Variants in ITGA3 observed in about 807,000 individuals in gnomAD.
ITGA3 encodes the protein integrin alpha-3.
ITGA3 carries 70 observed loss-of-function variants against 131.1 expected under a neutral mutation model. That is an observed-to-expected ratio of 0.53 (90% confidence interval 0.44 to 0.65). The LOEUF (loss-of-function observed/expected upper bound fraction) is 0.65, where lower values mean the gene tolerates loss of function less well. Among genes scored for constraint, ITGA3 ranks in the 30% least tolerant of loss-of-function variants. ITGA3 has a pLI of 0.00. For synonymous variants in ITGA3, 537 were observed against 571.6 expected, an observed-to-expected ratio of 0.94 and a Z score of 0.86; for missense variants, 1,098 against 1,388.6, an observed-to-expected ratio of 0.79 and a Z score of 3.33.
intron 1 of ITGA3, among the ~76,000 whole-genome samples, chr17:50,060,110 C>G (rs1485323513): frequency 6.6e-6 from 1 of 152,188 alleles, no homozygotes; most frequent in Admixed American, 6.5e-5. Flanking sequence ...CATCCCAGAG[C>G]TGCCCCCACC....
intron 23 of ITGA3, among the ~76,000 whole-genome samples, chr17:50,082,997 C>G (rs1049004488): frequency 6.6e-6 from 1 of 151,992 alleles, no homozygotes; most frequent in Non-Finnish European, 1.5e-5. Flanking sequence ...AGTGAAGATA[C>G]GTGGGAGATA....
chr17:50,058,408 G>A (rs766484972), intron 1 of ITGA3, among the ~76,000 whole-genome samples: 3 of 152,326 alleles, frequency 2.0e-5, no homozygotes, highest in African/African-American at 7.2e-5. Flanking sequence ...GGGCTGTAAC[G>A]AGATAAAGTG....
In ITGA3 at chr17:50,080,389, T is replaced by A. The variant is rs1909131992; in HGVS notation, c.2820+14T>A. ...ACCTTCATCGAGGTCAGTGCCTGGG[T>A]CTGAAGGTCTCTCCTACCATCCACC... On this transcript the variant is annotated intron_variant, in intron 22 of 25. Coordinates refer to ENST00000320031, the MANE Select transcript of ITGA3 (RefSeq NM_002204.4). The A allele has an allele frequency of 6.6e-7, 1 of 1,517,266 alleles. No individual in the cohort carries two copies. The highest frequency in any genetic ancestry group is 1.7e-4 in the Middle Eastern group (1 of 5,910). The allele number at this position is 1,517,266 out of a possible 1,614,324, so 94.0% of individuals were successfully genotyped here.
intron 3 of ITGA3, 43 bp from the exon 4 acceptor site, chr17:50,068,013 C>T (rs747073365): frequency 1.2e-6 from 2 of 1,610,216 alleles, no homozygotes; most frequent in East Asian, 4.5e-5. Context: ...TGACCCGGGT[C>T]CCTGTGCCTG....
In ITGA3 at chr17:50,078,873, T is replaced by G; in HGVS notation, c.2347T>G (p.Ser783Ala). The G allele has an allele frequency of 1.2e-6, 2 of 1,613,596 alleles. No individual in the cohort carries two copies. Among genetic ancestry groups the G allele is most frequent in the Non-Finnish European group, 1.7e-6 (2 of 1,179,636 alleles). ...CTTTGGGGGGACAGTGATGGGTGAG[T>G]CTGGCATGAAAACTGTGGAGGATGT... ...SFFGGTVMGE[S>A]GMKTVEDVGS... The change falls in exon 19 of 26, where the codon TCT becomes GCT. Residue 783 changes from serine to alanine, a missense_variant. Ser to Ala is a moderately conservative substitution (Grantham distance 99). Coordinates refer to ENST00000320031, the MANE Select transcript of ITGA3 (RefSeq NM_002204.4).
intron 4 of ITGA3, among the ~76,000 whole-genome samples, chr17:50,070,112 G>A (rs1908555293): frequency 1.3e-5 from 2 of 152,190 alleles, no homozygotes. Context: ...AGCCCTGGGT[G>A]CAGGGTCCAG....
chr17:50,089,536 G>A lies in ITGA3; in HGVS notation c.*458G>A, dbSNP rs567171975. On this transcript the variant is annotated 3_prime_UTR_variant, in exon 26 of 26. Coordinates refer to ENST00000320031, the MANE Select transcript of ITGA3 (RefSeq NM_002204.4). ...CCCACTGCTCGTGGACTGTGCTGGT[G>A]CATCACGGATGGTGCATGGGCTCGC... 5 of 480,626 alleles carry A rather than the reference G, an allele frequency of 1.0e-5. No individual in the cohort carries two copies. In the East Asian group the frequency reaches 1.4e-4, roughly 13 times the overall value. The allele number at this position is 480,626 out of a possible 1,614,324, so 29.8% of individuals were successfully genotyped here.
At position 50,078,944 on chromosome 17, in the gene ITGA3, G is replaced by A. The variant is rs757117267; in HGVS notation, c.2400+18G>A. ...AATTCCAGGTAAGGGGCTCGCCAGA[G>A]TCCTGGGCTGGGGACTTCTAGGAAG... On this transcript the variant is annotated intron_variant, in intron 19 of 25. Coordinates refer to ENST00000320031, the MANE Select transcript of ITGA3 (RefSeq NM_002204.4). 4.5e-6 allele frequency: 7 copies of A among 1,557,262 alleles called. No individual in the cohort carries two copies. Among genetic ancestry groups the A allele is most frequent in the Non-Finnish European group, 6.2e-6 (7 of 1,128,264 alleles).
intron 1 of ITGA3, among the ~76,000 whole-genome samples, chr17:50,061,206 G>A (rs1172914623): frequency 6.6e-6 from 1 of 152,198 alleles, no homozygotes; most frequent in East Asian, 1.9e-4. Context: ...TTAGGGCACT[G>A]GCCCTGCCCT....
Position 50,079,084 on chromosome 17 carries a change from A to G in ITGA3, c.2409A>G (p.Pro803=). 1 of 1,613,556 alleles carries G rather than the reference A, an allele frequency of 6.2e-7. No homozygotes were observed. The highest frequency in any genetic ancestry group is 8.5e-7 in the Non-Finnish European group (1 of 1,179,800). ...ACATCTTGTGCCCACAGGTGGGCCC[A>G]ATGGGGGAGGGGCTGGTGGGCCTGG... The part of the protein sequence containing the change: ...SPLKYEFQVG[P]MGEGLVGLGT... The change falls in exon 20 of 26, where the codon CCA becomes CCG. Residue 803 remains proline, a synonymous_variant. Coordinates refer to ENST00000320031, the MANE Select transcript of ITGA3 (RefSeq NM_002204.4).
Position 50,056,389 on chromosome 17 carries a change from A to C in ITGA3, c.-51A>C, listed in dbSNP as rs903088789. On this transcript the variant is annotated 5_prime_UTR_variant, in exon 1 of 26. Transcript: ENST00000320031. This position sits in a 1 kb window ranked among gnomAD's most constrained non-coding sequence, Gnocchi z 5.6. ...AGCAGGTGAACAGGTCCTCACGCCC[A>C]GCTCCGCGCCCTCACGCGCTCTCGC... The C allele has an allele frequency of 3.0e-6, 4 of 1,340,236 alleles. No homozygotes were observed. In the African/African-American group the frequency reaches 6.2e-5, roughly 21 times the overall value. The allele number at this position is 1,340,236 out of a possible 1,614,324, so 83.0% of individuals were successfully genotyped here. A position where few individuals can be genotyped will look rare whatever the true frequency, so the allele number is the denominator to read the frequency against.
At chr17:50,076,761 T>G in intron 14 of ITGA3, 80 bp downstream of exon 14, 1 of 1,328,336 alleles carries the variant, frequency 7.5e-7, no homozygotes, top group Non-Finnish European at 1.1e-6. Context: ...GGGCGGGGCC[T>G]CATGGCAAGG....
chr17:50,077,467 TC>T lies in ITGA3; in HGVS notation c.2139+23del. ...CAGAGGGTGAGCACCGGCCACATCC[TC>T]CCAGTCCTCCTGGGTCCCTGGCTGC... is the stretch of plus-strand genomic sequence containing the variant. On this transcript the variant is annotated intron_variant, in intron 16 of 25. Transcript: ENST00000320031. 6.3e-7 allele frequency: 1 copy of T among 1,591,940 alleles called. No homozygotes were observed. Among genetic ancestry groups the T allele is most frequent in the Non-Finnish European group, 8.6e-7 (1 of 1,160,022 alleles).
intron 24 of ITGA3, 111 bp downstream of exon 24, chr17:50,087,980 C>A (rs535191807): frequency 7.1e-7 from 1 of 1,403,248 alleles, no homozygotes; most frequent in Non-Finnish European, 9.6e-7. Flanking sequence ...CACCCCCACC[C>A]TTCCTCCCTG....
chr17:50,082,323 C>T lies in ITGA3; in HGVS notation c.2919+915C>T, dbSNP rs187791488. Among the ~76,000 whole-genome samples the T allele has an allele frequency of 2.6e-3, 393 of 152,178 alleles. 1 individual carries two copies. The highest frequency in any genetic ancestry group is 8.9e-3 in the African/African-American group (371 of 41,526). On this transcript the variant is annotated intron_variant, in intron 23 of 25. Coordinates refer to ENST00000320031, the MANE Select transcript of ITGA3 (RefSeq NM_002204.4). ...CCTCCCAAGTAGCTGGGACTACAGGCGCCCACCACCACGCCCGGCTAATTT... is the reference window on the plus strand; with the variant it reads ...CCTCCCAAGTAGCTGGGACTACAGGTGCCCACCACCACGCCCGGCTAATTT...
chr17:50,057,632 G>A (rs1907891265), intron 1 of ITGA3, among the ~76,000 whole-genome samples: 1 of 152,194 alleles, frequency 6.6e-6, no homozygotes, highest in Admixed American at 6.5e-5. Context: ...TTTAGGACAG[G>A]TTAAGCAGGT....
rs558772395 is a variant in ITGA3, at chr17:50,069,251, T to C, written c.664+946T>C. Among the ~76,000 whole-genome samples the C allele has an allele frequency of 1.4e-4, 21 of 152,330 alleles. No homozygotes were observed. In the South Asian group the frequency reaches 3.9e-3, roughly 29 times the overall value. On this transcript the variant is annotated intron_variant, in intron 4 of 25. Coordinates refer to ENST00000320031, the MANE Select transcript of ITGA3 (RefSeq NM_002204.4). ...GTAAATTGCCCAAGGCCAACAAAGT[T>C]ATGAAACCTGGATTGGAATACAGGT...
intron 25 of ITGA3, among the ~76,000 whole-genome samples, chr17:50,088,877 C>T (rs1023201266): frequency 3.3e-5 from 5 of 152,170 alleles, no homozygotes; most frequent in African/African-American, 9.7e-5. Flanking sequence ...CAGCTGCCCT[C>T]GGTCTCCATC....
chr17:50,084,646 A>AT lies in ITGA3; in HGVS notation c.2920-3097dup, dbSNP rs527237176. 1.6e-4 allele frequency among the ~76,000 whole-genome samples: 25 copies of AT among 152,306 alleles called. No individual in the cohort carries two copies. In the South Asian group the frequency reaches 4.1e-3, roughly 25 times the overall value. On this transcript the variant is annotated intron_variant, in intron 23 of 25. Coordinates refer to ENST00000320031, the MANE Select transcript of ITGA3 (RefSeq NM_002204.4). ...AAAAAAAACAGGTTGCTGGCTGGGC[A>AT]TGGTGGCTTATGCCTATAATCCTAA...
Sources: gnomAD v4.1 joint callset for allele counts (sites outside exome capture counted in the v4.1 genomes callset) on GRCh38, gnomAD v4.1.1 for gene constraint, Gnocchi (gnomAD v3.1) non-coding constraint, MANE v1.5 for transcripts, NCBI Gene and HGNC (gene_info 2026-07-23, HGNC 2026-07-21) for gene names.